FAM3C: variants seen among roughly 807,000 people sequenced by gnomAD.
FAM3C encodes protein FAM3C.
A neutral mutation model predicts 32.5 loss-of-function variants in FAM3C; 15 were observed. That is an observed-to-expected ratio of 0.46 (90% CI 0.31 to 0.71). The LOEUF is 0.71. Ranked by LOEUF, FAM3C falls within the 30% of genes least tolerant of loss-of-function variation. The pLI, the probability that FAM3C is intolerant of heterozygous loss-of-function variation, is 0.05. For synonymous variants in FAM3C, 75 were observed against 86.1 expected (o/e 0.87, Z 0.72); for missense variants, 175 against 274.4 (o/e 0.64, Z 2.56).
At chr7:121,372,244 C>A (rs939082104) in intron 3 of FAM3C, 105 bp from the exon 4 acceptor site, 3 of 714,012 alleles carry the variant, frequency 4.2e-6, no homozygotes, top group African/African-American at 3.6e-5. Context: ...AATAATGATT[C>A]AGTATACAAT....
chr7:121,351,067 T>C, intron 9 of FAM3C, 76 bp downstream of exon 9: 2 of 1,341,958 alleles, frequency 1.5e-6, no homozygotes, highest in Non-Finnish European at 2.1e-6. Context: ...AATTTTCAAA[T>C]AGCTGGGATG....
chr7:121,395,672 T>G (rs1362996662), intron 1 of FAM3C, among the ~76,000 whole-genome samples: 1 of 151,912 alleles, frequency 6.6e-6, no homozygotes, highest in East Asian at 1.9e-4. Flanking sequence ...GGATAGCTTG[T>G]AAAAAACCAA....
chr7:121,393,028 T>C (rs1158601440), intron 1 of FAM3C, among the ~76,000 whole-genome samples: 1 of 152,126 alleles, frequency 6.6e-6, no homozygotes, highest in Non-Finnish European at 1.5e-5. Context: ...AGCAGATCAG[T>C]GGTTGCCGAG....
intron 1 of FAM3C, among the ~76,000 whole-genome samples, chr7:121,388,636 G>A (rs1794514045): frequency 6.6e-6 from 1 of 152,074 alleles, no homozygotes. Context: ...AAAATCTTGG[G>A]AAAAGAATAC....
chr7:121,348,931 A>C lies in FAM3C; in HGVS notation c.*1530T>G, dbSNP rs1793642279. The C allele has an allele frequency of 6.6e-6, 1 of 152,440 alleles. No homozygotes were observed. Among genetic ancestry groups the C allele is most frequent in the Non-Finnish European group, 1.5e-5 (1 of 67,968 alleles). 9.4% of individuals were successfully genotyped at this position (152,440 alleles called of 1,614,324 possible). A position where few individuals can be genotyped will look rare whatever the true frequency, so the allele number is the denominator to read the frequency against. ...TTATTTCACAATCCCTGGAACTGTAAAATAACTATTCTTTTAATTTACAGA... is the reference window on the plus strand; with the variant it reads ...TTATTTCACAATCCCTGGAACTGTACAATAACTATTCTTTTAATTTACAGA... On this transcript the variant is annotated 3_prime_UTR_variant, in exon 10 of 10. Coordinates refer to ENST00000359943, the MANE Select transcript of FAM3C (RefSeq NM_014888.3).
At chr7:121,351,727 A>C (rs991501891) in intron 8 of FAM3C, among the ~76,000 whole-genome samples, 4 of 152,228 alleles carry the variant, frequency 2.6e-5, no homozygotes, top group African/African-American at 9.6e-5. Flanking sequence ...TTCTAACACT[A>C]TGTTTTATTT....
At chr7:121,391,873 G>C (rs1794584780) in intron 1 of FAM3C, among the ~76,000 whole-genome samples, 1 of 152,212 alleles carries the variant, frequency 6.6e-6, no homozygotes, top group South Asian at 2.1e-4. Context: ...AACCTCACTT[G>C]ATTTGCAAAC....
intron 2 of FAM3C, among the ~76,000 whole-genome samples, chr7:121,380,418 T>C (rs1262920943): frequency 2.0e-5 from 3 of 151,792 alleles, no homozygotes; most frequent in Non-Finnish European, 4.4e-5. Context: ...CTGGAGGCCA[T>C]TACACTAAGC....
chr7:121,385,034 G>C (rs564652870), intron 1 of FAM3C, among the ~76,000 whole-genome samples: 1 of 152,146 alleles, frequency 6.6e-6, no homozygotes, highest in Admixed American at 6.5e-5. Flanking sequence ...GGAAACTTCA[G>C]GCTGAAAACC....
intron 7 of FAM3C, among the ~76,000 whole-genome samples, chr7:121,360,826 C>A (rs905506023): frequency 4.6e-5 from 7 of 152,002 alleles, no homozygotes; most frequent in Admixed American, 4.6e-4. Context: ...CACAGCAAGA[C>A]CCTGTCTCAA....
Position 121,388,956 on chromosome 7 carries a change from A to G in FAM3C, c.-41-5946T>C, listed in dbSNP as rs570795928. ...TTGTTTTTCATTTGGCGCTCCTGACAGTGAATGGAGAAAAACACTTCGGAA... is the reference window on the plus strand; with the variant it reads ...TTGTTTTTCATTTGGCGCTCCTGACGGTGAATGGAGAAAAACACTTCGGAA... On this transcript the variant is annotated intron_variant, in intron 1 of 9. Coordinates refer to ENST00000359943, the MANE Select transcript of FAM3C (RefSeq NM_014888.3). Among the ~76,000 whole-genome samples the G allele has an allele frequency of 2.4e-4, 36 of 152,270 alleles. No individual in the cohort carries two copies. The South Asian group carries it at 7.0e-3, about 30-fold the overall frequency.
At chr7:121,381,367 T>C (rs1419387584) in intron 2 of FAM3C, among the ~76,000 whole-genome samples, 1 of 152,190 alleles carries the variant, frequency 6.6e-6, no homozygotes. Context: ...TAATAGCTAA[T>C]TGTCCTTATT....
intron 3 of FAM3C, 96 bp downstream of exon 3, chr7:121,378,814 T>A: frequency 1.8e-6 from 1 of 546,202 alleles, no homozygotes; most frequent in Admixed American, 3.8e-5. Context: ...TAATCACATT[T>A]CGTTTTCTAG....
At chr7:121,379,540 C>G (rs1584704117) in intron 2 of FAM3C, among the ~76,000 whole-genome samples, 1 of 152,144 alleles carries the variant, frequency 6.6e-6, no homozygotes, top group Non-Finnish European at 1.5e-5. Flanking sequence ...GTGTGGCGAT[C>G]AACAAAGCCT....
At chr7:121,369,909 GT>G (rs1421109127) in intron 5 of FAM3C, among the ~76,000 whole-genome samples, 3 of 151,018 alleles carry the variant, frequency 2.0e-5, no homozygotes, top group African/African-American at 7.4e-5. Context: ...GTTGTTTACG[GT>G]TTTAATCTGT....
intron 1 of FAM3C, 129 bp from the exon 2 acceptor site, chr7:121,383,139 C>G: frequency 2.1e-6 from 1 of 478,194 alleles, no homozygotes; most frequent in Non-Finnish European, 3.6e-6. Context: ...CCAACATTGG[C>G]ATTAAAAAAA....
chr7:121,368,486 C>T (rs2707481), intron 5 of FAM3C, among the ~76,000 whole-genome samples: 38,854 of 152,064 alleles, frequency 0.26, 5,947 homozygotes, highest in African/African-American at 0.44. Flanking sequence ...CTGTTACCAA[C>T]AGGGAGGCAG....
At chr7:121,356,924 A>G (rs921909630) in intron 8 of FAM3C, among the ~76,000 whole-genome samples, 1 of 152,132 alleles carries the variant, frequency 6.6e-6, no homozygotes, top group African/African-American at 2.4e-5. Context: ...GTTTTTCTCT[A>G]TCTTGTTTTT....
At chr7:121,371,114 C>G (rs1033147431) in intron 5 of FAM3C, among the ~76,000 whole-genome samples, 186 bp downstream of exon 5, 7 of 152,068 alleles carry the variant, frequency 4.6e-5, no homozygotes, top group African/African-American at 1.7e-4. Context: ...TAGTCACTCT[C>G]TAATATAAAA....
Sources: gnomAD v4.1 joint callset for allele counts (sites outside exome capture counted in the v4.1 genomes callset) on GRCh38, gnomAD v4.1.1 for gene constraint, MANE v1.5 for transcripts, NCBI Gene and HGNC (gene_info 2026-07-23, HGNC 2026-07-21) for gene names.